The following UHRF1 variants were observed in gnomAD, a reference collection of about 807,000 sequenced individuals.
UHRF1 encodes the protein ubiquitin like with PHD and ring finger domains 1.
A neutral mutation model predicts 96.5 loss-of-function variants in UHRF1; 9 were observed. The ratio of observed to expected loss-of-function variants is 0.09; its 90% CI spans 0.06 to 0.16. The LOEUF (loss-of-function observed/expected upper bound fraction) is 0.16, where lower values mean the gene tolerates loss of function less well. Ranked by LOEUF, UHRF1 falls within the 10% of genes least tolerant of loss-of-function variation. The pLI, the probability that UHRF1 is intolerant of heterozygous loss-of-function variation, is 1.00. For synonymous variants in UHRF1, 455 were observed against 469.9 expected, an observed-to-expected ratio of 0.97 and a Z score of 0.41; for missense variants, 626 against 1,131.1, an observed-to-expected ratio of 0.55 and a Z score of 6.40.
chr19:4,929,409 C>T lies in UHRF1; in HGVS notation c.341C>T (p.Ala114Val), dbSNP rs1599261590. ...SDKSSTHGEA[A>V]AETDSRPADE... ...AAGTCCTCCACCCACGGTGAGGCGG[C>T]CGCCGAGACTGACAGCAGGCCAGCC... Residue 114 changes from alanine to valine, a missense_variant, in exon 3 of 17, where the codon GCC becomes GTC. Coordinates refer to ENST00000650932, the MANE Select transcript of UHRF1 (RefSeq NM_001048201.3). 6.2e-7 allele frequency: 1 copy of T among 1,613,516 alleles called. No individual in the cohort carries two copies. Among genetic ancestry groups the T allele is most frequent in the Admixed American group, 1.7e-5 (1 of 59,984 alleles).
upstream of UHRF1, among the ~76,000 whole-genome samples, chr19:4,906,639 G>C (rs982912639): frequency 1.3e-5 from 2 of 152,156 alleles, no homozygotes; most frequent in Non-Finnish European, 2.9e-5. Flanking sequence ...TCTAGTTCCT[G>C]CTACTGGGGA....
chr19:4,936,820 TGAAAA>T (rs1047057376), intron 5 of UHRF1, among the ~76,000 whole-genome samples: 3 of 145,060 alleles, frequency 2.1e-5, no homozygotes, highest in African/African-American at 7.7e-5. Flanking sequence ...AAAAAAAAAG[TGAAAA>T]GAAAAAAAAA....
At chr19:4,956,926 ACT>A in intron 16 of UHRF1, 113 bp downstream of exon 16, 1 of 749,738 alleles carries the variant, frequency 1.3e-6, no homozygotes. Context: ...TGCTCCGCTC[ACT>A]CTGCAGCTTT....
At chr19:4,905,552 T>C (rs547906879), upstream of UHRF1, among the ~76,000 whole-genome samples, 20 of 150,732 alleles carry the variant, frequency 1.3e-4, no homozygotes, top group African/African-American at 4.9e-4. Context: ...AGTTTTGCTC[T>C]TGTTGCCCAG....
At chr19:4,952,915 C>T (rs2033757108) in intron 13 of UHRF1, among the ~76,000 whole-genome samples, 1 of 152,090 alleles carries the variant, frequency 6.6e-6, no homozygotes, top group Non-Finnish European at 1.5e-5. Context: ...GGGAAACAGT[C>T]ATGCTCATTC....
chr19:4,904,560 G>A (rs187737194), upstream of UHRF1, among the ~76,000 whole-genome samples: 2 of 152,040 alleles, frequency 1.3e-5, no homozygotes, highest in Admixed American at 6.6e-5. Context: ...TGATCCACCC[G>A]CCTCACTTGG....
At chr19:4,956,869 C>T (rs1461111827) in intron 16 of UHRF1, 56 bp downstream of exon 16, 2 of 1,246,110 alleles carry the variant, frequency 1.6e-6, no homozygotes, top group African/African-American at 1.5e-5. Flanking sequence ...ATGACCTGAC[C>T]TCCCGTTCCC....
chr19:4,928,959 G>A lies in UHRF1; in HGVS notation c.154-263G>A, dbSNP rs112646588. On this transcript the variant is annotated intron_variant, in intron 2 of 16. Transcript: ENST00000650932. ...TGTGTGCGTGGTGCCCCGTGATGAT[G>A]TTTTGTGCTTCTGGGTGCTTCCTGC... Among the ~76,000 whole-genome samples, 1,087 of 152,336 alleles carry A rather than the reference G, an allele frequency of 7.1e-3. 12 individuals are homozygous for A. The highest frequency in any genetic ancestry group is 0.025 in the African/African-American group (1,040 of 41,592).
At chr19:4,955,740 C>A (rs2033840845) in intron 15 of UHRF1, among the ~76,000 whole-genome samples, 1 of 151,894 alleles carries the variant, frequency 6.6e-6, no homozygotes, top group African/African-American at 2.4e-5. Flanking sequence ...TTCGAGTCAT[C>A]CGAGGCTGGG....
intron 2 of UHRF1, among the ~76,000 whole-genome samples, chr19:4,917,111 G>GTTTTTTTTTTTTTTTTTTTTTTT (rs59815341): frequency 1.3e-5 from 1 of 77,190 alleles, no homozygotes; most frequent in Non-Finnish European, 2.3e-5. Context: ...TTAAGTTTTC[G>GTTTTTTTTTTTTTTTTTTTTTTT]TTTTTTTTTT....
chr19:4,927,713 G>A (rs1056014272), intron 2 of UHRF1, among the ~76,000 whole-genome samples: 1 of 152,234 alleles, frequency 6.6e-6, no homozygotes, highest in African/African-American at 2.4e-5. Flanking sequence ...TGTCATGACT[G>A]GTGGAGGCCA....
intron 2 of UHRF1, 65 bp downstream of exon 2, chr19:4,911,103 G>T: frequency 7.1e-7 from 1 of 1,405,808 alleles, no homozygotes; most frequent in Non-Finnish European, 9.4e-7. Context: ...GCAGCCACCA[G>T]CCGATACTTT....
At chr19:4,926,269 T>C (rs1568413732) in intron 2 of UHRF1, among the ~76,000 whole-genome samples, 1 of 152,220 alleles carries the variant, frequency 6.6e-6, no homozygotes, top group African/African-American at 2.4e-5. Flanking sequence ...CGTGTGAACC[T>C]GCGTGTACAG....
chr19:4,927,789 C>A (rs2656917), intron 2 of UHRF1, among the ~76,000 whole-genome samples: 38,348 of 152,040 alleles, frequency 0.25, 5,106 homozygotes, highest in Middle Eastern at 0.38. Context: ...AGGGGGAGAC[C>A]CAGCCCATCC....
Position 4,911,054 on chromosome 19 carries a change from G to A in UHRF1, c.153+16G>A. On this transcript the variant is annotated intron_variant, in intron 2 of 16. Coordinates refer to ENST00000650932, the MANE Select transcript of UHRF1 (RefSeq NM_001048201.3). ...GGGCAAACAGGTACACCCGCCGCCA[G>A]CACCTTTGTTCTATGCCTGGTCCAG... is the stretch of plus-strand genomic sequence containing the variant. 1 of 1,567,536 alleles carries A rather than the reference G, an allele frequency of 6.4e-7. No homozygotes were observed. The highest frequency in any genetic ancestry group is 8.7e-7 in the Non-Finnish European group (1 of 1,152,996).
At chr19:4,927,870 G>A (rs2032923806) in intron 2 of UHRF1, among the ~76,000 whole-genome samples, 1 of 152,224 alleles carries the variant, frequency 6.6e-6, no homozygotes. Context: ...GAAACCAACC[G>A]AGTCCAATCC....
Position 4,909,635 on chromosome 19 carries a change from C to A in UHRF1, c.-31C>A. 1 of 581,264 alleles carries A rather than the reference C, an allele frequency of 1.7e-6. No individual in the cohort carries two copies. The allele number at this position is 581,264 out of a possible 1,614,324, so 36.0% of individuals were successfully genotyped here. On this transcript the variant is annotated 5_prime_UTR_variant, in exon 1 of 17. In the 5' UTR this introduces an upstream ATG that the reference lacks. Coordinates refer to ENST00000650932, the MANE Select transcript of UHRF1 (RefSeq NM_001048201.3). The stretch of plus-strand genomic sequence containing the variant: ...CGGGCCACGCGCGCAGGCAGACAAG[C>A]TGTTCGCGGCGACCGGAGAGGTGAG...
intron 1 of UHRF1, among the ~76,000 whole-genome samples, chr19:4,904,299 T>C (rs553452944): frequency 3.6e-4 from 54 of 152,042 alleles, no homozygotes; most frequent in Non-Finnish European, 3.5e-4. Flanking sequence ...CTGCCTCAGC[T>C]TCCCGAGTAG....
At chr19:4,917,382 G>A (rs1054597542) in intron 2 of UHRF1, among the ~76,000 whole-genome samples, 1 of 151,638 alleles carries the variant, frequency 6.6e-6, no homozygotes, top group African/African-American at 2.4e-5. Flanking sequence ...AAGGCCGGGC[G>A]TGGTGGCTTA....
Sources: allele counts gnomAD v4.1 joint callset (sites outside exome capture counted in the v4.1 genomes callset), GRCh38; gene constraint gnomAD v4.1.1; transcripts MANE v1.5; gene names NCBI Gene and HGNC (gene_info 2026-07-23, HGNC 2026-07-21).